FBH1: variants seen among roughly 807,000 people sequenced by gnomAD.
FBH1 encodes F-box DNA helicase 1.
FBH1 carries 43 observed loss-of-function variants against 115.5 expected under a neutral mutation model. The observed-to-expected ratio is 0.37, with a 90% CI of 0.29 to 0.48. The LOEUF (loss-of-function observed/expected upper bound fraction) is 0.48, where lower values mean the gene tolerates loss of function less well. Ranked by LOEUF, FBH1 falls within the 20% of genes least tolerant of loss-of-function variation. The probability of loss-of-function intolerance (pLI) is 0.99; values close to 1 mark genes in which losing one functional copy is unlikely to be tolerated. For synonymous variants in FBH1, 524 were observed against 507.8 expected, an observed-to-expected ratio of 1.03 and a Z score of -0.43; for missense variants, 1,001 against 1,337.3, an observed-to-expected ratio of 0.75 and a Z score of 3.92.
At chr10:5,901,266 A>G (rs1440999827) in intron 1 of FBH1, among the ~76,000 whole-genome samples, 2 of 151,856 alleles carry the variant, frequency 1.3e-5, no homozygotes, top group African/African-American at 2.4e-5. Context: ...TCTGCCTCCC[A>G]CGTTCAAGCG....
chr10:5,915,546 A>G lies in FBH1; in HGVS notation c.1540A>G (p.Met514Val), dbSNP rs1307122201. Residue 514 changes from methionine (M) to valine (V), a missense_variant, in exon 9 of 21, where the codon ATG becomes GTG. Coordinates refer to ENST00000362091, the MANE Select transcript of FBH1 (RefSeq NM_178150.3). This position sits in a 1 kb window ranked among gnomAD's most constrained non-coding sequence, Gnocchi z 5.2. ...CGTCATCTGCAAAACCTTCCACTCCATGGCCTACGGGCACATAGGGCGGAA... is the reference window on the plus strand; with the variant it reads ...CGTCATCTGCAAAACCTTCCACTCCGTGGCCTACGGGCACATAGGGCGGAA... ...SNVICKTFHS[M>V]AYGHIGRKYQ... 6.2e-7 allele frequency: 1 copy of G among 1,614,168 alleles called. No homozygotes were observed. Among genetic ancestry groups the G allele is most frequent in the South Asian group, 1.1e-5 (1 of 91,084 alleles).
At chr10:5,927,082 CTG>C (rs1235845359) in intron 18 of FBH1, among the ~76,000 whole-genome samples, 1 of 152,200 alleles carries the variant, frequency 6.6e-6, no homozygotes, top group African/African-American at 2.4e-5. Flanking sequence ...GTGACTTAAC[CTG>C]TCTAAGCCTC....
intron 1 of FBH1, chr10:5,894,910 CACA>C: frequency 1.2e-6 from 1 of 809,408 alleles, no homozygotes; most frequent in Non-Finnish European, 1.9e-6. Flanking sequence ...TGCACACTTA[CACA>C]AAGAATTGTT....
rs1340721202 is a variant in FBH1, at chr10:5,917,253, C to T, written c.1789-167C>T. On this transcript the variant is annotated intron_variant, in intron 10 of 20. Transcript: ENST00000362091. This position sits in a 1 kb window ranked among gnomAD's most constrained non-coding sequence, Gnocchi z 5.6. ...TGTCTCAGCACTGGAGACCCTCTGGCGTGGAGAGGCTGTTGAGGAGACCCA... is the reference window on the plus strand; with the variant it reads ...TGTCTCAGCACTGGAGACCCTCTGGTGTGGAGAGGCTGTTGAGGAGACCCA... 9 of 622,060 alleles carry T rather than the reference C, an allele frequency of 1.4e-5. No individual in the cohort carries two copies. Among genetic ancestry groups the T allele is most frequent in the African/African-American group, 7.3e-5 (4 of 54,720 alleles). The allele number at this position is 622,060 out of a possible 1,614,324, so 38.5% of individuals were successfully genotyped here. A position where few individuals can be genotyped will look rare whatever the true frequency, so the allele number is the denominator to read the frequency against.
rs1439288601 is a variant in FBH1, at chr10:5,915,524, C to T, written c.1518C>T (p.Val506=). The T allele has an allele frequency of 3.1e-6, 5 of 1,614,226 alleles. No homozygotes were observed. The highest frequency in any genetic ancestry group is 4.2e-6 in the Non-Finnish European group (5 of 1,180,040). The change falls in exon 9 of 21, where the codon GTC becomes GTT. Residue 506 remains valine (V), a synonymous_variant. Coordinates refer to ENST00000362091, the MANE Select transcript of FBH1 (RefSeq NM_178150.3). This position sits in a 1 kb window ranked among gnomAD's most constrained non-coding sequence, Gnocchi z 5.2. ...KQAERVFPSN[V]ICKTFHSMAY... is the part of the protein sequence containing the mutation. ...CCGAACGCGTCTTCCCCAGCAACGTCATCTGCAAAACCTTCCACTCCATGG... is the reference window on the plus strand; with the variant it reads ...CCGAACGCGTCTTCCCCAGCAACGTTATCTGCAAAACCTTCCACTCCATGG...
chr10:5,937,261 T>C lies in FBH1; in HGVS notation c.3113T>C (p.Leu1038Pro). Residue 1038 changes from leucine (L) to proline (P), a missense_variant, in exon 21 of 21, where the codon CTG becomes CCG. Transcript: ENST00000362091. ...ENIVLPRHEALLFLVF is the reference protein window; with the variant it reads ...ENIVLPRHEAPLFLVF The stretch of plus-strand genomic sequence containing the variant: ...ATCGTACTGCCCCGGCATGAGGCCC[T>C]GCTCTTCCTCGTCTTCTGAGGACAA... The C allele has an allele frequency of 6.2e-7, 1 of 1,603,920 alleles. No individual in the cohort carries two copies. Among genetic ancestry groups the C allele is most frequent in the Middle Eastern group, 1.8e-4 (1 of 5,580 alleles).
chr10:5,900,488 A>G lies in FBH1; in HGVS notation c.2-2532A>G, dbSNP rs1329601593. 6.6e-6 allele frequency among the ~76,000 whole-genome samples: 1 copy of G among 152,172 alleles called. No homozygotes were observed. The highest frequency in any genetic ancestry group is 1.5e-5 in the Non-Finnish European group (1 of 68,018). On this transcript the variant is annotated intron_variant, in intron 1 of 20. Transcript: ENST00000362091. The surrounding 1 kb of genome is among the most constrained non-coding windows in gnomAD (Gnocchi z 4.2). ...ACGCTGCGCTGTGCTGCTTCGTGAG[A>G]GTGAGCGCATCTGTGATTGCTGAGG...
At position 5,936,972 on chromosome 10, in the gene FBH1, G is replaced by A; in HGVS notation, c.2962-138G>A. ...GTGCTGTGGGAGGTGTTACTCTGAG[G>A]ATGTGCACCCCTCTGAAAACATCAG... On this transcript the variant is annotated intron_variant, in intron 20 of 20. Coordinates refer to ENST00000362091, the MANE Select transcript of FBH1 (RefSeq NM_178150.3). The surrounding 1 kb of genome is among the most constrained non-coding windows in gnomAD (Gnocchi z 5.6). 3 of 962,996 alleles carry A rather than the reference G, an allele frequency of 3.1e-6. No individual in the cohort carries two copies. The South Asian group carries it at 5.8e-5, about 19-fold the overall frequency. The allele number at this position is 962,996 out of a possible 1,614,324, so 59.7% of individuals were successfully genotyped here.
rs1446384163 is a variant in FBH1, at chr10:5,931,699, TAAAG to T, written c.2829+4159_2829+4162del. Among the ~76,000 whole-genome samples the T allele has an allele frequency of 1.3e-5, 2 of 152,236 alleles. No homozygotes were observed. The highest frequency in any genetic ancestry group is 4.8e-5 in the African/African-American group (2 of 41,462). ...CAAAATATCATGTTCTGAAGTCACT[TAAAG>T]TAAGTCCTTTTTGCTTTTGTGGTTT... On this transcript the variant is annotated intron_variant, in intron 19 of 20. Coordinates refer to ENST00000362091, the MANE Select transcript of FBH1 (RefSeq NM_178150.3). The surrounding 1 kb of genome is among the most constrained non-coding windows in gnomAD (Gnocchi z 4.3).
rs752225766 is a variant in FBH1 at position 5,914,722 on chromosome 10, G to A, written c.1396+453G>A. Among the ~76,000 whole-genome samples, 6 of 152,122 alleles carry A rather than the reference G, an allele frequency of 3.9e-5. No homozygotes were observed. The highest frequency in any genetic ancestry group is 7.4e-5 in the Non-Finnish European group (5 of 68,022). ...GTGTCCTGCCTCAGTCAGCCACGCC[G>A]ATCCACTCACAGCCTCCTGAAGTAC... On this transcript the variant is annotated intron_variant, in intron 8 of 20. Transcript: ENST00000362091. The surrounding 1 kb of genome is among the most constrained non-coding windows in gnomAD (Gnocchi z 5.2).
rs563534305 is a variant in FBH1 at position 5,932,537 on chromosome 10, G to A, written c.2830-3919G>A. ...ATAGTGTTCTGTGTTGACGCACTGTGATTTATGCCGTTCTCGCTCATGGAC... is the reference window on the plus strand; with the variant it reads ...ATAGTGTTCTGTGTTGACGCACTGTAATTTATGCCGTTCTCGCTCATGGAC... On this transcript the variant is annotated intron_variant, in intron 19 of 20. Transcript: ENST00000362091. This position sits in a 1 kb window ranked among gnomAD's most constrained non-coding sequence, Gnocchi z 5.9. Among the ~76,000 whole-genome samples the A allele has an allele frequency of 6.6e-6, 1 of 152,158 alleles. No individual in the cohort carries two copies. Among genetic ancestry groups the A allele is most frequent in the South Asian group, 2.1e-4 (1 of 4,834 alleles).
chr10:5,921,334 CT>C lies in FBH1; in HGVS notation c.2180del (p.Leu727TrpfsTer35), dbSNP rs1169194632. On this transcript the variant is annotated frameshift_variant, in exon 14 of 21. Transcript: ENST00000362091. LOFTEE classifies it high-confidence loss of function. This position sits in a 1 kb window ranked among gnomAD's most constrained non-coding sequence, Gnocchi z 6.4. ...GTTTGCAAGAGAGTCAGGAAAAAGA[CT>C]TTGGTTGGAGGAAACCATCAGAGTA... is the stretch of plus-strand genomic sequence containing the variant. The part of the protein sequence containing the change: ...LDVCKRVRKK[T>X]LVGGNHQSGI... 5.0e-6 allele frequency: 8 copies of C among 1,614,034 alleles called. No individual in the cohort carries two copies. The highest frequency in any genetic ancestry group is 6.8e-6 in the Non-Finnish European group (8 of 1,180,042).
intron 3 of FBH1, among the ~76,000 whole-genome samples, chr10:5,908,302 A>C (rs530265910): frequency 2.4e-4 from 36 of 152,334 alleles, no homozygotes; most frequent in African/African-American, 8.7e-4. Flanking sequence ...GAATTGACTT[A>C]AAGTCTGTTT....
At chr10:5,891,039 C>A in intron 1 of FBH1, 1 of 470,658 alleles carries the variant, frequency 2.1e-6, no homozygotes, top group Non-Finnish European at 2.8e-6. Flanking sequence ...GAAGACAACC[C>A]TATGAGGCAT....
chr10:5,907,155 G>C (rs1485218090), intron 3 of FBH1, among the ~76,000 whole-genome samples: 1 of 151,808 alleles, frequency 6.6e-6, no homozygotes, highest in Non-Finnish European at 1.5e-5. Flanking sequence ...TAGACATGGG[G>C]TTTTACCATG....
intron 19 of FBH1, among the ~76,000 whole-genome samples, chr10:5,928,851 A>G (rs1464881717): frequency 2.0e-5 from 3 of 152,190 alleles, no homozygotes; most frequent in South Asian, 2.1e-4. Flanking sequence ...TTAAGTGTAA[A>G]AGTTAATATA....
At chr10:5,905,274 T>C (rs976349932) in intron 2 of FBH1, 3 of 152,242 alleles carry the variant, frequency 2.0e-5, no homozygotes, top group Non-Finnish European at 4.4e-5. Context: ...GCCAGCACTT[T>C]GCGGGAGGCC....
Position 5,915,717 on chromosome 10 carries a change from A to G in FBH1, c.1565+146A>G, listed in dbSNP as rs1831885290. On this transcript the variant is annotated intron_variant, in intron 9 of 20. Transcript: ENST00000362091. The surrounding 1 kb of genome is among the most constrained non-coding windows in gnomAD (Gnocchi z 5.2). ...CTCCACTTACAGGCAGGAAACAAAT[A>G]CATAGGTTTAGCCATTTGTACTTTT... 2.9e-6 allele frequency: 2 copies of G among 688,234 alleles called. No individual in the cohort carries two copies. The highest frequency in any genetic ancestry group is 5.5e-5 in the East Asian group (2 of 36,670). The allele number at this position is 688,234 out of a possible 1,614,324, so 42.6% of individuals were successfully genotyped here. A position where few individuals can be genotyped will look rare whatever the true frequency, so the allele number is the denominator to read the frequency against.
chr10:5,890,047 GCCCGGTAGCTGTGGCCGCGC>G (rs1468617805), upstream of FBH1: 7 of 289,304 alleles, frequency 2.4e-5, no homozygotes, highest in Non-Finnish European at 4.5e-5. Context: ...ATGGGGCGTG[GCCCGGTAGCTGTGGCCGCGC>G]CCCCACCGAT....
Sources: allele counts gnomAD v4.1 joint callset (sites outside exome capture counted in the v4.1 genomes callset), GRCh38; gene constraint gnomAD v4.1.1; non-coding constraint Gnocchi (gnomAD v3.1); transcripts MANE v1.5; gene names NCBI Gene and HGNC (gene_info 2026-07-23, HGNC 2026-07-21).